Variants in PDS5B observed in about 807,000 individuals in gnomAD.
The protein encoded by PDS5B is PDS5 cohesin associated factor B, also known as sister chromatid cohesion protein PDS5 homolog B.
PDS5B carries 51 observed loss-of-function variants against 184.1 expected under a neutral mutation model. The observed-to-expected ratio is 0.28, with a 90% confidence interval of 0.22 to 0.35. PDS5B has a LOEUF of 0.35. PDS5B is among the 10% of genes least tolerant of loss of function. The pLI, the probability that PDS5B is intolerant of heterozygous loss-of-function variation, is 1.00. For synonymous variants in PDS5B, 566 were observed against 569.2 expected (o/e 0.99, Z 0.08); for missense variants, 1,180 against 1,723.3 (o/e 0.68, Z 5.58).
intron 31 of PDS5B, among the ~76,000 whole-genome samples, chr13:32,765,157 C>A (rs1392125538): frequency 6.6e-6 from 1 of 152,170 alleles, no homozygotes; most frequent in African/African-American, 2.4e-5. Flanking sequence ...AGCATAGACA[C>A]AAAATACAGT....
intron 26 of PDS5B, among the ~76,000 whole-genome samples, chr13:32,757,043 T>C (rs1816490505): frequency 6.6e-6 from 1 of 151,990 alleles, no homozygotes; most frequent in African/African-American, 2.4e-5. Context: ...GAGAATTGCT[T>C]GAACCTGGGT....
chr13:32,738,960 C>G (rs1257654830), intron 21 of PDS5B, among the ~76,000 whole-genome samples: 1 of 152,194 alleles, frequency 6.6e-6, no homozygotes, highest in Non-Finnish European at 1.5e-5. Flanking sequence ...GCATGAGCCA[C>G]CACGCGCCTG....
intron 7 of PDS5B, 110 bp from the exon 8 acceptor site, chr13:32,673,106 C>G (rs1025143897): frequency 3.7e-5 from 33 of 900,978 alleles, no homozygotes; most frequent in Non-Finnish European, 5.8e-5. Flanking sequence ...TTTGATATGC[C>G]TAGTTTGACT....
intron 31 of PDS5B, among the ~76,000 whole-genome samples, chr13:32,768,130 CCA>C (rs962988364): frequency 1.3e-5 from 2 of 152,144 alleles, no homozygotes; most frequent in African/African-American, 4.8e-5. Context: ...ATACCAAATA[CCA>C]CAGACTGGGT....
At chr13:32,648,926 C>A (rs969026365) in intron 2 of PDS5B, 46 bp downstream of exon 2, 1 of 883,956 alleles carries the variant, frequency 1.1e-6, no homozygotes, top group African/African-American at 1.6e-5. Context: ...GGGCAGAGGT[C>A]CCCTGTGGAA....
chr13:32,718,126 T>G (rs1593504635), intron 19 of PDS5B, among the ~76,000 whole-genome samples: 1 of 151,870 alleles, frequency 6.6e-6, no homozygotes, highest in African/African-American at 2.4e-5. Context: ...CAATAGATCA[T>G]TTTTGATAGA....
chr13:32,666,603 A>T (rs1950803795), intron 6 of PDS5B, among the ~76,000 whole-genome samples: 1 of 47,880 alleles, frequency 2.1e-5, no homozygotes, highest in Admixed American at 1.8e-4. Flanking sequence ...ATATCCATAA[A>T]AAAAAAAATG....
rs570466957 is a variant in PDS5B at position 32,651,097 on chromosome 13, G to A, written c.109-707G>A. On this transcript the variant is annotated intron_variant, in intron 2 of 34. Coordinates refer to ENST00000315596, the MANE Select transcript of PDS5B (RefSeq NM_015032.4). ...GAGAAAGCTCTTCTGAGAATTCATGGTATACCATTCTATTTTCTATTCACC... is the reference window on the plus strand; with the variant it reads ...GAGAAAGCTCTTCTGAGAATTCATGATATACCATTCTATTTTCTATTCACC... 2.0e-3 allele frequency among the ~76,000 whole-genome samples: 297 copies of A among 152,198 alleles called. 2 individuals are homozygous for A. Among genetic ancestry groups the A allele is most frequent in the Non-Finnish European group, 2.2e-3 (153 of 68,006 alleles).
At chr13:32,649,449 A>G (rs1223161441) in intron 2 of PDS5B, 2 of 152,170 alleles carry the variant, frequency 1.3e-5, no homozygotes. Context: ...GTTAAAATGG[A>G]TAAAGAAGCA....
At chr13:32,719,066 A>G (rs1201390220) in intron 19 of PDS5B, among the ~76,000 whole-genome samples, 1 of 152,266 alleles carries the variant, frequency 6.6e-6, no homozygotes, top group Non-Finnish European at 1.5e-5. Flanking sequence ...TTAAGTATAT[A>G]ACATGAATTA....
intron 33 of PDS5B, among the ~76,000 whole-genome samples, chr13:32,772,277 AT>A (rs1461816434): frequency 6.6e-6 from 1 of 152,182 alleles, no homozygotes; most frequent in Non-Finnish European, 1.5e-5. Context: ...GATCCATTTG[AT>A]TAGATGGTTC....
chr13:32,689,441 G>A (rs1434781272), intron 13 of PDS5B: 1 of 152,074 alleles, frequency 6.6e-6, no homozygotes, highest in Non-Finnish European at 1.5e-5. Flanking sequence ...TCAGGCACTG[G>A]AATTTGTATT....
chr13:32,709,446 A>C (rs1286299972), intron 18 of PDS5B, among the ~76,000 whole-genome samples: 1 of 152,020 alleles, frequency 6.6e-6, no homozygotes, highest in Non-Finnish European at 1.5e-5. Flanking sequence ...GAGTCTACTT[A>C]ACTGCCTTAC....
chr13:32,600,597 G>T (rs1200712516), intron 1 of PDS5B, among the ~76,000 whole-genome samples: 6 of 152,182 alleles, frequency 3.9e-5, no homozygotes, highest in Admixed American at 3.9e-4. Flanking sequence ...AAGATGAGCC[G>T]GTGTGATGGC....
intron 31 of PDS5B, among the ~76,000 whole-genome samples, chr13:32,768,947 C>CAAA (rs770324221): frequency 3.5e-5 from 3 of 84,528 alleles, no homozygotes; most frequent in Non-Finnish European, 4.7e-5. Flanking sequence ...TAAAAAAATA[C>CAAA]AAAAAAAAAA....
chr13:32,618,475 A>G (rs1174729819), intron 1 of PDS5B, among the ~76,000 whole-genome samples: 1 of 151,964 alleles, frequency 6.6e-6, no homozygotes, highest in East Asian at 1.9e-4. Flanking sequence ...TCCTTTGTCC[A>G]GTTACCCGTC....
chr13:32,678,269 A>C (rs920732777), intron 9 of PDS5B, among the ~76,000 whole-genome samples: 30 of 152,210 alleles, frequency 2.0e-4, no homozygotes, highest in African/African-American at 6.3e-4. Flanking sequence ...GGATACATAC[A>C]TATTTACAGA....
intron 1 of PDS5B, among the ~76,000 whole-genome samples, chr13:32,613,215 A>C (rs2058168434): frequency 6.6e-6 from 1 of 152,166 alleles, no homozygotes; most frequent in African/African-American, 2.4e-5. Flanking sequence ...GTACAAGTTT[A>C]TGTTTGGACA....
At chr13:32,746,451 T>C (rs754500354) in intron 24 of PDS5B, among the ~76,000 whole-genome samples, 6 of 152,226 alleles carry the variant, frequency 3.9e-5, no homozygotes, top group South Asian at 2.1e-4. Flanking sequence ...CCTTGTTTTA[T>C]GTATGTTTCT....
Sources: allele counts gnomAD v4.1 joint callset (sites outside exome capture counted in the v4.1 genomes callset), GRCh38; gene constraint gnomAD v4.1.1; transcripts MANE v1.5; gene names NCBI Gene and HGNC (gene_info 2026-07-23, HGNC 2026-07-21).